HDAC9: variants seen among roughly 807,000 people sequenced by gnomAD.
HDAC9 encodes MEF-2 interacting transcription repressor (MITR) protein.
Under a neutral mutation model 139.4 loss-of-function variants are expected in HDAC9, and 41 were observed. The observed-to-expected ratio is 0.29, with a 90% CI of 0.23 to 0.38. The LOEUF is 0.38. HDAC9 is among the 10% of genes least tolerant of loss of function. HDAC9 has a pLI of 1.00. For missense variants in HDAC9, 1,147 were observed against 1,297.0 expected (o/e 0.88, Z 1.78); for synonymous variants, 517 against 476.2 (o/e 1.09, Z -1.12).
intron 7 of HDAC9, among the ~76,000 whole-genome samples, chr7:18,631,785 T>G (rs1782429297): frequency 6.6e-6 from 1 of 151,998 alleles, no homozygotes; most frequent in South Asian, 2.1e-4. Context: ...CCAACATCCT[T>G]ATTTCATTGG....
intron 22 of HDAC9, among the ~76,000 whole-genome samples, chr7:18,928,225 A>AT (rs1804411138): frequency 6.6e-6 from 1 of 152,212 alleles, no homozygotes; most frequent in Admixed American, 6.5e-5. Context: ...TTCCAATTCC[A>AT]TTTGCAATTT....
At chr7:18,489,799 A>G (rs939847685) in intron 1 of HDAC9, among the ~76,000 whole-genome samples, 1 of 152,066 alleles carries the variant, frequency 6.6e-6, no homozygotes, top group African/African-American at 2.4e-5. Flanking sequence ...GCACAGGGCC[A>G]TATTGATTTC....
At chr7:18,988,381 G>A (rs889631538) in intron 25 of HDAC9, among the ~76,000 whole-genome samples, 32 of 152,128 alleles carry the variant, frequency 2.1e-4, no homozygotes, top group Non-Finnish European at 4.0e-4. Flanking sequence ...TTTTGAGTGA[G>A]CTTCTTAATC....
chr7:18,297,756 T>A (rs1266346797), intron 1 of HDAC9, among the ~76,000 whole-genome samples: 4 of 152,180 alleles, frequency 2.6e-5, no homozygotes, highest in Non-Finnish European at 4.4e-5. Context: ...TAGGTAAAAA[T>A]GTGACATCAA....
At chr7:18,940,550 A>G (rs894158182) in intron 23 of HDAC9, among the ~76,000 whole-genome samples, 1 of 152,182 alleles carries the variant, frequency 6.6e-6, no homozygotes, top group Non-Finnish European at 1.5e-5. Context: ...GTTTGCAAGA[A>G]ATTGAAGTGA....
In HDAC9 at chr7:18,322,516, C is replaced by A. The variant is rs541561854; in HGVS notation, c.-42+32001C>A. 9.9e-4 allele frequency among the ~76,000 whole-genome samples: 150 copies of A among 152,198 alleles called. 1 individual carries two copies. Among genetic ancestry groups the A allele is most frequent in the African/African-American group, 3.5e-3 (144 of 41,532 alleles). On this transcript the variant is annotated intron_variant, in intron 1 of 3. Coordinates refer to the HDAC9 transcript ENST00000413509. Reference sequence around the variant, plus strand: ...ATGGGAACGTATCATTTTGATATACCGCGTCCCTTATCTTCTACTTAGCAA... The same window carrying A: ...ATGGGAACGTATCATTTTGATATACAGCGTCCCTTATCTTCTACTTAGCAA...
At chr7:18,985,052 T>G (rs1785223739) in intron 25 of HDAC9, among the ~76,000 whole-genome samples, 1 of 151,890 alleles carries the variant, frequency 6.6e-6, no homozygotes, top group South Asian at 2.1e-4. Context: ...GGATCTTTAT[T>G]TTTTTTTAAT....
At chr7:18,514,913 C>T (rs1034978934) in intron 2 of HDAC9, among the ~76,000 whole-genome samples, 5 of 152,110 alleles carry the variant, frequency 3.3e-5, no homozygotes. Flanking sequence ...TGCCGCTGCA[C>T]TCTAGCCTGG....
chr7:18,648,474 C>T lies in HDAC9; in HGVS notation c.1258C>T (p.Pro420Ser), dbSNP rs749698557. 3.1e-6 allele frequency: 5 copies of T among 1,611,390 alleles called. No individual in the cohort carries two copies. Among genetic ancestry groups the T allele is most frequent in the Non-Finnish European group, 4.2e-6 (5 of 1,178,994 alleles). ...TGTATTTTTTTTTTCAGGTGGAGTTCCCTTACATCCTCAGTCTCCCTTGGC... is the reference window on the plus strand; with the variant it reads ...TGTATTTTTTTTTTCAGGTGGAGTTTCCTTACATCCTCAGTCTCCCTTGGC... Reference protein sequence around the residue: ...QQKLLVAGGVPLHPQSPLATK... With the variant: ...QQKLLVAGGVSLHPQSPLATK... The change falls in exon 11 of 26, where the codon CCC (proline) becomes TCC (serine). Residue 420 changes from proline to serine, a missense_variant. By Grantham distance (74) the Pro-to-Ser change is moderately conservative. This residue lies in a region of HDAC9 where 264 missense variants were observed against 273.8 expected (regional missense o/e 0.96). Coordinates refer to ENST00000686413, the MANE Select transcript of HDAC9 (RefSeq NM_178425.4).
At chr7:18,500,632 T>C (rs1798118020) in intron 2 of HDAC9, among the ~76,000 whole-genome samples, 1 of 152,158 alleles carries the variant, frequency 6.6e-6, no homozygotes, top group South Asian at 2.1e-4. Flanking sequence ...TTGTTTTCTC[T>C]TGTGGCTGAG....
intron 6 of HDAC9, among the ~76,000 whole-genome samples, chr7:18,622,246 A>G (rs778185976): frequency 6.6e-5 from 10 of 152,230 alleles, no homozygotes; most frequent in Admixed American, 1.3e-4. Context: ...ACCTTCACCT[A>G]TGATTACAGA....
intron 11 of HDAC9, among the ~76,000 whole-genome samples, chr7:18,662,370 C>G (rs1016295275): frequency 6.8e-6 from 1 of 146,688 alleles, no homozygotes; most frequent in African/African-American, 2.6e-5. Flanking sequence ...AGCGATAACT[C>G]AAGAAATTTT....
chr7:18,667,011 CTT>C (rs1053136491), intron 12 of HDAC9: 173 of 985,212 alleles, frequency 1.8e-4, no homozygotes, highest in East Asian at 2.3e-4. Flanking sequence ...CTTCCTCTCT[CTT>C]TTTTTAGTTA....
chr7:18,366,360 T>C (rs1327049189), intron 1 of HDAC9, among the ~76,000 whole-genome samples: 1 of 152,104 alleles, frequency 6.6e-6, no homozygotes, highest in Non-Finnish European at 1.5e-5. Flanking sequence ...AGCATAGAAC[T>C]TTGGGAATAA....
At chr7:18,594,685 G>C (rs970747248) in intron 6 of HDAC9, among the ~76,000 whole-genome samples, 6 of 151,844 alleles carry the variant, frequency 4.0e-5, no homozygotes, top group African/African-American at 1.5e-4. Context: ...TCTCCTTTCT[G>C]AGCATTCTGA....
chr7:18,759,510 T>C, intron 14 of HDAC9, among the ~76,000 whole-genome samples: 1 of 152,118 alleles, frequency 6.6e-6, no homozygotes, highest in African/African-American at 2.4e-5. Context: ...ACCATCTAGT[T>C]GCAGGAAAGC....
intron 2 of HDAC9, among the ~76,000 whole-genome samples, chr7:18,558,695 G>C (rs113317109): frequency 0.019 from 2,864 of 152,200 alleles, 100 homozygotes; most frequent in African/African-American, 0.065. Context: ...CTGACTCACT[G>C]ACCACCACTT....
intron 6 of HDAC9, among the ~76,000 whole-genome samples, chr7:18,617,056 C>G (rs887864600): frequency 2.0e-5 from 3 of 152,140 alleles, no homozygotes; most frequent in Non-Finnish European, 4.4e-5. Context: ...GCCTAGTTTT[C>G]CTTTATTTCA....
chr7:18,902,822 A>C (rs1435813888), intron 22 of HDAC9, among the ~76,000 whole-genome samples: 2 of 152,228 alleles, frequency 1.3e-5, no homozygotes, highest in African/African-American at 4.8e-5. Flanking sequence ...ACTATTTATA[A>C]GTGAAATATG....
Sources: gnomAD v4.1 joint callset for allele counts (sites outside exome capture counted in the v4.1 genomes callset) on GRCh38, gnomAD v4.1.1 for gene constraint, gnomAD v4.1.1 regional missense constraint, MANE v1.5 for transcripts, NCBI Gene and HGNC (gene_info 2026-07-23, HGNC 2026-07-21) for gene names.